ARGFX: variants seen among roughly 807,000 people sequenced by gnomAD.
The protein encoded by ARGFX is arginine-fifty homeobox.
A neutral mutation model predicts 8.0 loss-of-function variants in ARGFX; 10 were observed. That is an observed-to-expected ratio of 1.25 (90% CI 0.77 to 2.12). The LOEUF is 2.12. Among genes scored for constraint, ARGFX ranks in the 30% most tolerant of loss-of-function variants. ARGFX has a pLI of 0.00. For missense variants in ARGFX, 282 were observed against 324.3 expected (o/e 0.87, Z 1.00); for synonymous variants, 116 against 117.8 (o/e 0.98, Z 0.10).
intron 2 of ARGFX, among the ~76,000 whole-genome samples, chr3:121,573,290 G>A (rs1407375650): frequency 6.6e-6 from 1 of 152,074 alleles, no homozygotes; most frequent in Non-Finnish European, 1.5e-5. Flanking sequence ...AGAGCAGCCT[G>A]GCCAACATGG....
chr3:121,587,902 C>T lies in ARGFX; in HGVS notation c.*1302C>T, dbSNP rs1448372131. Among the ~76,000 whole-genome samples the T allele has an allele frequency of 6.6e-6, 1 of 151,942 alleles. No individual in the cohort carries two copies. Among genetic ancestry groups the T allele is most frequent in the East Asian group, 1.9e-4 (1 of 5,190 alleles). ...TTGGGTTTTTTTAAAATGAGACTTT[C>T]AGTCCTAATTTGAGGGGAAATTACT... On this transcript the variant is annotated 3_prime_UTR_variant, in exon 5 of 5. Coordinates refer to ENST00000334384, the MANE Select transcript of ARGFX (RefSeq NM_001012659.2).
intron 3 of ARGFX, among the ~76,000 whole-genome samples, chr3:121,579,925 TTTTTCTTTTC>T (rs1208073532): frequency 1.9e-4 from 22 of 115,718 alleles, no homozygotes; most frequent in Non-Finnish European, 3.2e-4. Flanking sequence ...TCTTTCTTTC[TTTTTCTTTTC>T]TTTTCTTTTC....
intron 3 of ARGFX, among the ~76,000 whole-genome samples, chr3:121,580,614 T>A (rs907574553): frequency 5.5e-5 from 8 of 145,350 alleles, no homozygotes; most frequent in African/African-American, 2.0e-4. Context: ...ATATTTTTTT[T>A]TTTTTTTTGA....
At chr3:121,574,860 G>T (rs887196508) in intron 2 of ARGFX, among the ~76,000 whole-genome samples, 3 of 152,180 alleles carry the variant, frequency 2.0e-5, no homozygotes, top group African/African-American at 7.2e-5. Flanking sequence ...CCAGCAGAAT[G>T]GTAATGTGGA....
Position 121,585,059 on chromosome 3 carries a change from A to G in ARGFX, c.363A>G (p.Thr121=), listed in dbSNP as rs1329695305. 2 of 1,613,888 alleles carry G rather than the reference A, an allele frequency of 1.2e-6. No individual in the cohort carries two copies. Among genetic ancestry groups the G allele is most frequent in the Admixed American group, 3.3e-5 (2 of 60,018 alleles). The change falls in exon 4 of 5, where the codon ACA becomes ACG. Residue 121 remains threonine (T), a synonymous_variant. Transcript: ENST00000334384. ...LALRLDLPES[T]VKVWFRNRRF... Reference sequence around the variant, plus strand: ...TGAGACTCGACCTACCGGAGTCAACAGTAAAGGTCTGATCCCCTGTGGTGT... The same window carrying G: ...TGAGACTCGACCTACCGGAGTCAACGGTAAAGGTCTGATCCCCTGTGGTGT...
chr3:121,579,945 CTTTTTTT>C (rs1174620508), intron 3 of ARGFX, among the ~76,000 whole-genome samples: 2,362 of 91,638 alleles, frequency 0.026, 76 homozygotes, highest in African/African-American at 0.061. Context: ...CTTTTCTTTT[CTTTTTTT>C]TTTTTTTTTT....
chr3:121,586,274 A>G lies in ARGFX; in HGVS notation c.622A>G (p.Thr208Ala). 1 of 1,614,150 alleles carries G rather than the reference A, an allele frequency of 6.2e-7. No individual in the cohort carries two copies. The highest frequency in any genetic ancestry group is 1.1e-5 in the South Asian group (1 of 91,084). The change falls in exon 5 of 5, where the codon ACT (threonine) becomes GCT (alanine). Residue 208 changes from threonine (T) to alanine (A), a missense_variant. By Grantham distance (58) the Thr-to-Ala change is moderately conservative. Transcript: ENST00000334384. ...TACCAGTGACTTCCAAATGCAAGAT[A>G]CTCAGTGGGAGAGGCTGGTGGCCTC... ...SSTSDFQMQD[T>A]QWERLVASVP...
At chr3:121,568,149 T>C (rs1416988668) in intron 1 of ARGFX, among the ~76,000 whole-genome samples, 136 bp downstream of exon 1, 1 of 152,082 alleles carries the variant, frequency 6.6e-6, no homozygotes, top group Non-Finnish European at 1.5e-5. Flanking sequence ...ATGATATAGA[T>C]GGTTGGGGAC....
At chr3:121,569,096 A>C (rs2048691428) in intron 1 of ARGFX, among the ~76,000 whole-genome samples, 1 of 152,202 alleles carries the variant, frequency 6.6e-6, no homozygotes, top group African/African-American at 2.4e-5. Flanking sequence ...CACACACAAA[A>C]AAAAATTGTG....
chr3:121,583,609 C>T (rs1376169808), intron 3 of ARGFX, among the ~76,000 whole-genome samples: 1 of 151,808 alleles, frequency 6.6e-6, no homozygotes, highest in Non-Finnish European at 1.5e-5. Context: ...TTCACTACAG[C>T]CTCAACCTCC....
chr3:121,588,397 G>A lies in ARGFX; in HGVS notation c.*1797G>A, dbSNP rs1004158542. On this transcript the variant is annotated 3_prime_UTR_variant, in exon 5 of 5. Transcript: ENST00000334384. The stretch of plus-strand genomic sequence containing the variant: ...GGAGGCTGAGGAAGGAGAATTGCTT[G>A]AACCTGGGAGGTGGAGGTTGCAGTG... 1.8e-4 allele frequency among the ~76,000 whole-genome samples: 27 copies of A among 149,694 alleles called. No individual in the cohort carries two copies. Among genetic ancestry groups the A allele is most frequent in the African/African-American group, 6.6e-4 (27 of 40,748 alleles).
At chr3:121,585,149 T>C in intron 4 of ARGFX, 84 bp downstream of exon 4, 1 of 1,428,184 alleles carries the variant, frequency 7.0e-7, no homozygotes, top group Non-Finnish European at 9.5e-7. Context: ...CCTCTACCCC[T>C]GCCCCACAAT....
Position 121,586,331 on chromosome 3 carries a change from A to G in ARGFX, c.679A>G (p.Ile227Val), listed in dbSNP as rs1209427017. 3 of 1,614,086 alleles carry G rather than the reference A, an allele frequency of 1.9e-6. No individual in the cohort carries two copies. The highest frequency in any genetic ancestry group is 1.7e-5 in the Admixed American group (1 of 59,994). Reference sequence around the variant, plus strand: ...TGCTTTGTACTCTGATGCCTATGACATATTCCAAATCATAGAACTGTACAA... The same window carrying G: ...TGCTTTGTACTCTGATGCCTATGACGTATTCCAAATCATAGAACTGTACAA... The part of the protein sequence containing the change: ...VPALYSDAYD[I>V]FQIIELYNLP... Residue 227 changes from isoleucine (I) to valine (V), a missense_variant, in exon 5 of 5, where the codon ATA becomes GTA. By Grantham distance (29) the Ile-to-Val change is conservative. Coordinates refer to ENST00000334384, the MANE Select transcript of ARGFX (RefSeq NM_001012659.2).
At chr3:121,574,460 G>A (rs66641441) in intron 2 of ARGFX, among the ~76,000 whole-genome samples, 41,921 of 152,120 alleles carry the variant, frequency 0.28, 6,233 homozygotes, top group East Asian at 0.61. Flanking sequence ...TCCCATCTGT[G>A]GCTGATGGGA....
At chr3:121,569,444 C>T (rs995243376) in intron 1 of ARGFX, among the ~76,000 whole-genome samples, 1 of 149,294 alleles carries the variant, frequency 6.7e-6, no homozygotes, top group Admixed American at 6.8e-5. Flanking sequence ...CAGCTCACTG[C>T]AACCTCTGCC....
rs1414827075 is a variant in ARGFX at position 121,580,604 on chromosome 3, A to ATTT, written c.220+3705_220+3706insTTT. On this transcript the variant is annotated intron_variant, in intron 3 of 4. Coordinates refer to ENST00000334384, the MANE Select transcript of ARGFX (RefSeq NM_001012659.2). ...TGTGTGTGTGTGTGTGTATATATAT[A>ATTT]TATTTTTTTTTTTTTTTTGAGATGA... is the stretch of plus-strand genomic sequence containing the variant. 5.6e-3 allele frequency among the ~76,000 whole-genome samples: 537 copies of ATTT among 96,240 alleles called. 7 individuals carry two copies. Among genetic ancestry groups the ATTT allele is most frequent in the Middle Eastern group, 0.026 (5 of 192 alleles). 63.1% of individuals were successfully genotyped at this position (96,240 alleles called of 152,430 possible). A position where few individuals can be genotyped will look rare whatever the true frequency, so the allele number is the denominator to read the frequency against.
intron 2 of ARGFX, among the ~76,000 whole-genome samples, chr3:121,573,813 A>C (rs1490682967): frequency 7.5e-6 from 1 of 132,652 alleles, no homozygotes; most frequent in Non-Finnish European, 1.5e-5. Context: ...ACGCCATTGC[A>C]CTCCAGCCTG....
In ARGFX at chr3:121,586,692, A is replaced by C; in HGVS notation, c.*92A>C. ...TTTTCCTTTGTCTCATTTTAACCCA[A>C]CATCTGGGTCTGTGTCTCTGATTTC... On this transcript the variant is annotated 3_prime_UTR_variant, in exon 5 of 5. Transcript: ENST00000334384. 9.3e-7 allele frequency: 1 copy of C among 1,075,854 alleles called. No individual in the cohort carries two copies. The highest frequency in any genetic ancestry group is 1.3e-6 in the Non-Finnish European group (1 of 756,876). 66.6% of individuals were successfully genotyped at this position (1,075,854 alleles called of 1,614,324 possible). A position where few individuals can be genotyped will look rare whatever the true frequency, so the allele number is the denominator to read the frequency against.
Position 121,590,377 on chromosome 3 carries a change from G to A in ARGFX, c.*3777G>A, listed in dbSNP as rs1318544109. ...ATGGATTAATGCCATTATTGTGGGAGTGGGTTAGTTATCTCAGAAGTGGGT... is the reference window on the plus strand; with the variant it reads ...ATGGATTAATGCCATTATTGTGGGAATGGGTTAGTTATCTCAGAAGTGGGT... On this transcript the variant is annotated 3_prime_UTR_variant, in exon 5 of 5. Coordinates refer to ENST00000334384, the MANE Select transcript of ARGFX (RefSeq NM_001012659.2). Among the ~76,000 whole-genome samples the A allele has an allele frequency of 1.3e-5, 2 of 152,226 alleles. No individual in the cohort carries two copies. Among genetic ancestry groups the A allele is most frequent in the African/African-American group, 2.4e-5 (1 of 41,472 alleles).
Sources: gnomAD v4.1 joint callset for allele counts (sites outside exome capture counted in the v4.1 genomes callset) on GRCh38, gnomAD v4.1.1 for gene constraint, MANE v1.5 for transcripts, NCBI Gene and HGNC (gene_info 2026-07-23, HGNC 2026-07-21) for gene names.